The following PCDHA6 variants were observed in gnomAD, a reference collection of about 807,000 sequenced individuals.
The protein encoded by PCDHA6 is protocadherin alpha-6.
Under a neutral mutation model 60.3 loss-of-function variants are expected in PCDHA6, and 55 were observed. The ratio of observed to expected loss-of-function variants is 0.91; its 90% CI spans 0.73 to 1.14. PCDHA6 has a LOEUF of 1.14. Ranked by LOEUF, PCDHA6 falls within the 50% of genes most tolerant of loss-of-function variation. The pLI is 0.00. For missense variants in PCDHA6, 1,327 were observed against 1,256.5 expected (o/e 1.06, Z -0.85); for synonymous variants, 652 against 557.9 (o/e 1.17, Z -2.38).
chr5:140,848,512 G>A (rs1781566761), intron 1 of PCDHA6: 1 of 1,590,350 alleles, frequency 6.3e-7, no homozygotes, highest in South Asian at 1.1e-5. Context: ...TACTCAAGTC[G>A]AGGAGATCCA....
At chr5:140,927,097 G>A in intron 1 of PCDHA6, 1 of 1,613,358 alleles carries the variant, frequency 6.2e-7, no homozygotes, top group Non-Finnish European at 8.5e-7. Context: ...CTTCGGGGTG[G>A]ATCTACCCAG....
At chr5:140,870,568 G>T (rs1554164428) in intron 1 of PCDHA6, 2 of 1,613,870 alleles carry the variant, frequency 1.2e-6, no homozygotes, top group African/African-American at 1.3e-5. Context: ...GAACGCGCTG[G>T]TGTCCTACTC....
chr5:140,828,024 C>T lies in PCDHA6; in HGVS notation c.-68C>T, dbSNP rs1769491669. The T allele has an allele frequency of 1.3e-6, 2 of 1,516,724 alleles. No individual in the cohort carries two copies. The highest frequency in any genetic ancestry group is 1.4e-5 in the African/African-American group (1 of 71,654). The allele number at this position is 1,516,724 out of a possible 1,614,324, so 94.0% of individuals were successfully genotyped here. A position where few individuals can be genotyped will look rare whatever the true frequency, so the allele number is the denominator to read the frequency against. On this transcript the variant is annotated 5_prime_UTR_variant, in exon 1 of 4. Coordinates refer to ENST00000529310, the MANE Select transcript of PCDHA6 (RefSeq NM_018909.4). ...GCAGAAGAAATGGATTAATAAATTC[C>T]GGAACATACAGTATTTTATCTTTAT...
intron 3 of PCDHA6, among the ~76,000 whole-genome samples, chr5:140,985,188 C>T (rs1186148399): frequency 6.6e-6 from 1 of 152,192 alleles, no homozygotes; most frequent in African/African-American, 2.4e-5. Context: ...CCGCCTGCCT[C>T]GGTCTCCCAA....
intron 1 of PCDHA6, chr5:140,927,229 C>G (rs781833160): frequency 1.2e-6 from 2 of 1,614,008 alleles, no homozygotes; most frequent in African/African-American, 1.3e-5. Context: ...GATTCGGATT[C>G]ACGTCCTGGA....
chr5:140,836,405 G>C, intron 1 of PCDHA6: 1 of 1,613,802 alleles, frequency 6.2e-7, no homozygotes, highest in East Asian at 2.2e-5. Context: ...AAAGCGGCCA[G>C]GCACCAAAGG....
At chr5:140,872,539 A>G (rs2053732284) in intron 1 of PCDHA6, among the ~76,000 whole-genome samples, 1 of 152,128 alleles carries the variant, frequency 6.6e-6, no homozygotes, top group Admixed American at 6.5e-5. Flanking sequence ...ACATGAGAGG[A>G]TCCCCTGAAC....
chr5:140,830,816 C>T (rs2150189865), intron 1 of PCDHA6: 1 of 156,806 alleles, frequency 6.4e-6, no homozygotes, highest in South Asian at 2.0e-4. Context: ...ATTTGTTTGC[C>T]TTTGAGCTTT....
chr5:140,917,313 T>C (rs1294382574), intron 1 of PCDHA6, among the ~76,000 whole-genome samples: 12 of 132,588 alleles, frequency 9.1e-5, no homozygotes, highest in African/African-American at 3.0e-4. Flanking sequence ...TACAATTTGG[T>C]GTTCATGTGG....
intron 1 of PCDHA6, among the ~76,000 whole-genome samples, chr5:140,935,909 T>C (rs1452831803): frequency 6.6e-6 from 1 of 151,600 alleles, no homozygotes; most frequent in African/African-American, 2.4e-5. Flanking sequence ...TTTTTTTTTT[T>C]TGAGACAGAT....
intron 1 of PCDHA6, chr5:140,968,679 A>T: frequency 6.2e-7 from 1 of 1,614,176 alleles, no homozygotes; most frequent in South Asian, 1.1e-5. Flanking sequence ...GTAGAGCTGC[A>T]CACAGGAGAA....
At chr5:140,988,468 A>G (rs1184589294) in intron 3 of PCDHA6, among the ~76,000 whole-genome samples, 1 of 152,186 alleles carries the variant, frequency 6.6e-6, no homozygotes, top group African/African-American at 2.4e-5. Flanking sequence ...GGGTGTGGGA[A>G]GGGGAATTAG....
intron 1 of PCDHA6, chr5:140,876,767 C>G (rs1462172871): frequency 6.2e-7 from 1 of 1,614,076 alleles, no homozygotes. Flanking sequence ...GATGGGGGCT[C>G]GCCTTCGCTG....
At chr5:140,915,083 C>G (rs2076973100) in intron 1 of PCDHA6, among the ~76,000 whole-genome samples, 1 of 151,628 alleles carries the variant, frequency 6.6e-6, no homozygotes, top group African/African-American at 2.4e-5. Flanking sequence ...GTAGCTGGGA[C>G]TATGGGCACG....
chr5:140,833,929 T>C (rs2150212169), intron 1 of PCDHA6, among the ~76,000 whole-genome samples: 2 of 152,330 alleles, frequency 1.3e-5, no homozygotes, highest in South Asian at 4.1e-4. Context: ...AAATTCATGT[T>C]GTCACTTAGG....
At chr5:140,836,089 G>C (rs2150252436) in intron 1 of PCDHA6, 12 of 1,613,682 alleles carry the variant, frequency 7.4e-6, no homozygotes, top group South Asian at 5.5e-5. Context: ...CTGGCGCCTC[G>C]GGTGGGTGGC....
intron 1 of PCDHA6, chr5:140,863,342 T>G: frequency 7.5e-7 from 1 of 1,338,916 alleles, no homozygotes; most frequent in Non-Finnish European, 1.0e-6. Flanking sequence ...ACGTTGCTGC[T>G]GTACACGACG....
At chr5:140,913,867 T>G (rs1554196087) in intron 1 of PCDHA6, among the ~76,000 whole-genome samples, 2 of 152,234 alleles carry the variant, frequency 1.3e-5, no homozygotes. Flanking sequence ...TTGTTTAATT[T>G]CCATGTGTTC....
chr5:140,916,437 C>T lies in PCDHA6; in HGVS notation c.2395-62512C>T, dbSNP rs77605255. Among the ~76,000 whole-genome samples the T allele has an allele frequency of 8.0e-3, 1,220 of 152,340 alleles. 6 individuals are homozygous for T. The highest frequency in any genetic ancestry group is 0.019 in the African/African-American group (786 of 41,586). Reference sequence around the variant, plus strand: ...AGCACATCTCAGAACCTAAGGCCCACAGTATACTACCTGGATATCACTGCT... The same window carrying T: ...AGCACATCTCAGAACCTAAGGCCCATAGTATACTACCTGGATATCACTGCT... On this transcript the variant is annotated intron_variant, in intron 1 of 3. Coordinates refer to ENST00000529310, the MANE Select transcript of PCDHA6 (RefSeq NM_018909.4).
Sources: gnomAD v4.1 joint callset for allele counts (sites outside exome capture counted in the v4.1 genomes callset) on GRCh38, gnomAD v4.1.1 for gene constraint, MANE v1.5 for transcripts, NCBI Gene and HGNC (gene_info 2026-07-23, HGNC 2026-07-21) for gene names.